PGS1: variants seen among roughly 807,000 people sequenced by gnomAD.
The protein encoded by PGS1 is CDP-diacylglycerol--glycerol-3-phosphate 3-phosphatidyltransferase, mitochondrial.
PGS1 carries 44 observed loss-of-function variants against 58.3 expected under a neutral mutation model. The observed-to-expected ratio is 0.75, with a 90% CI of 0.59 to 0.97. The LOEUF (loss-of-function observed/expected upper bound fraction) is 0.97. PGS1 is among the 50% of genes least tolerant of loss of function. The pLI is 0.00. For synonymous variants in PGS1, 330 were observed against 311.0 expected (o/e 1.06, Z -0.64); for missense variants, 684 against 731.1 (o/e 0.94, Z 0.74).
intron 9 of PGS1, 65 bp downstream of exon 9, chr17:78,419,740 T>C: frequency 6.3e-7 from 1 of 1,598,372 alleles, no homozygotes; most frequent in Non-Finnish European, 8.5e-7. Flanking sequence ...GGCAGGTGGT[T>C]GTTCTGACTC....
intron 9 of PGS1, 83 bp from the exon 10 acceptor site, chr17:78,423,978 G>A: frequency 2.0e-5 from 32 of 1,614,036 alleles, no homozygotes; most frequent in Non-Finnish European, 2.7e-5. Flanking sequence ...TCAAGTTAAA[G>A]GTCCAGACAT....
At chr17:78,379,753 C>G (rs1305220700) in intron 1 of PGS1, among the ~76,000 whole-genome samples, 1 of 151,574 alleles carries the variant, frequency 6.6e-6, no homozygotes, top group African/African-American at 2.4e-5. Flanking sequence ...CGCTTGAACC[C>G]AGGAGGTGGA....
At chr17:78,413,367 G>A (rs2084892801) in intron 7 of PGS1, among the ~76,000 whole-genome samples, 1 of 152,200 alleles carries the variant, frequency 6.6e-6, no homozygotes, top group South Asian at 2.1e-4. Flanking sequence ...GTGTCAGTGG[G>A]GGAGAACTTG....
At chr17:78,403,086 T>A (rs535390976) in intron 6 of PGS1, among the ~76,000 whole-genome samples, 1 of 152,232 alleles carries the variant, frequency 6.6e-6, no homozygotes, top group Non-Finnish European at 1.5e-5. Context: ...CGCATGCTCC[T>A]TTTTTGGTTA....
At chr17:78,399,178 C>T (rs2083464420) in intron 4 of PGS1, 170 bp from the exon 5 acceptor site, 1 of 608,120 alleles carries the variant, frequency 1.6e-6, no homozygotes. Flanking sequence ...GGCCAGCATG[C>T]AGGACAGAGG....
chr17:78,419,587 T>G lies in PGS1; in HGVS notation c.1593T>G (p.Ser531=). 6.2e-7 allele frequency: 1 copy of G among 1,614,104 alleles called. No homozygotes were observed. The highest frequency in any genetic ancestry group is 8.5e-7 in the Non-Finnish European group (1 of 1,179,974). ...QLYLRSGVVS[S]ATFEQPSRQV... is the part of the protein sequence containing the mutation. ...ACCTGAGGTCAGGTGTGGTGTCCTCTGCCACCTTCGAGCAGCCGAGTCGCC... is the reference window on the plus strand; with the variant it reads ...ACCTGAGGTCAGGTGTGGTGTCCTCGGCCACCTTCGAGCAGCCGAGTCGCC... Residue 531 remains serine, a synonymous_variant, in exon 9 of 10, where the codon TCT becomes TCG. Coordinates refer to ENST00000262764, the MANE Select transcript of PGS1 (RefSeq NM_024419.5).
chr17:78,410,379 A>T (rs967843154), intron 7 of PGS1, among the ~76,000 whole-genome samples: 1 of 149,968 alleles, frequency 6.7e-6, no homozygotes, highest in Non-Finnish European at 1.5e-5. Flanking sequence ...CAGTGAGCCA[A>T]GATCGCGCCA....
At chr17:78,392,692 T>C in intron 2 of PGS1, 27 bp downstream of exon 2, 1 of 1,599,612 alleles carries the variant, frequency 6.3e-7, no homozygotes, top group South Asian at 1.1e-5. Context: ...GGAAAGAAGT[T>C]TGAGTTAGAG....
chr17:78,410,135 A>G (rs1435217101), intron 7 of PGS1, among the ~76,000 whole-genome samples: 1 of 151,774 alleles, frequency 6.6e-6, no homozygotes, highest in East Asian at 1.9e-4. Context: ...AAACAGAAAA[A>G]CAAAATAGGC....
intron 8 of PGS1, among the ~76,000 whole-genome samples, chr17:78,418,927 A>G (rs2146340699): frequency 6.6e-6 from 1 of 152,310 alleles, no homozygotes; most frequent in South Asian, 2.1e-4. Context: ...GTGAACATTT[A>G]AAATATTTTT....
rs576609475 is a variant in PGS1 at position 78,414,988 on chromosome 17, C to T, written c.1512C>T (p.Ile504=). The T allele has an allele frequency of 8.1e-6, 13 of 1,613,370 alleles. No individual in the cohort carries two copies. Among genetic ancestry groups the T allele is most frequent in the Admixed American group, 1.7e-5 (1 of 60,002 alleles). Residue 504 remains isoleucine, a synonymous_variant, in exon 8 of 10, where the codon ATC becomes ATT. Transcript: ENST00000262764. ...GGGACCTGGAGGCCCAGATTGCGAT[C>T]GTGACGGAGAACCAGGCCCTGCAGC... ...VHRDLEAQIA[I]VTENQALQQQ...
intron 1 of PGS1, among the ~76,000 whole-genome samples, chr17:78,391,251 G>A (rs917155044): frequency 1.3e-5 from 2 of 151,758 alleles, no homozygotes; most frequent in African/African-American, 4.8e-5. Context: ...CGCGGCCACG[G>A]CTCATCATCA....
chr17:78,408,260 A>T (rs1472363835), intron 7 of PGS1, among the ~76,000 whole-genome samples: 1 of 152,128 alleles, frequency 6.6e-6, no homozygotes, highest in Admixed American at 6.5e-5. Context: ...GGATTTTTGT[A>T]AAGGGTGCCT....
intron 1 of PGS1, among the ~76,000 whole-genome samples, chr17:78,391,714 G>A (rs1329260322): frequency 1.3e-5 from 2 of 152,156 alleles, no homozygotes; most frequent in Non-Finnish European, 2.9e-5. Flanking sequence ...CTGACCTTAG[G>A]TTGTCTACCT....
intron 7 of PGS1, among the ~76,000 whole-genome samples, chr17:78,412,694 A>G (rs2084820295): frequency 6.6e-6 from 1 of 152,216 alleles, no homozygotes; most frequent in Non-Finnish European, 1.5e-5. Context: ...GGCGTGACAC[A>G]GAGCAGCCTG....
chr17:78,414,036 T>C (rs1026263676), intron 7 of PGS1, among the ~76,000 whole-genome samples: 1 of 152,212 alleles, frequency 6.6e-6, no homozygotes, highest in Non-Finnish European at 1.5e-5. Flanking sequence ...CAGGGCCCTT[T>C]AGCTTTCTCC....
intron 8 of PGS1, 43 bp downstream of exon 8, chr17:78,415,070 G>C: frequency 1.3e-6 from 2 of 1,537,264 alleles, no homozygotes; most frequent in Non-Finnish European, 1.8e-6. Context: ...CTGAGGGTGT[G>C]GCTGGGGGCC....
intron 7 of PGS1, among the ~76,000 whole-genome samples, chr17:78,409,210 T>A (rs2084414815): frequency 6.6e-6 from 1 of 152,272 alleles, no homozygotes; most frequent in Admixed American, 6.5e-5. Flanking sequence ...GTCCATCTGC[T>A]GGGACATGGG....
chr17:78,421,802 T>C (rs2376585), intron 9 of PGS1: 117,212 of 152,194 alleles, frequency 0.77, 45,992 homozygotes, highest in East Asian at 0.95. Context: ...CTGTCTCTGC[T>C]GATGACCTTC....
Sources: gnomAD v4.1 joint callset for allele counts (sites outside exome capture counted in the v4.1 genomes callset) on GRCh38, gnomAD v4.1.1 for gene constraint, MANE v1.5 for transcripts, NCBI Gene and HGNC (gene_info 2026-07-23, HGNC 2026-07-21) for gene names.